The following SNAP47 variants were observed in gnomAD, a reference collection of about 807,000 sequenced individuals.
The protein encoded by SNAP47 is synaptosomal-associated protein 47.
In SNAP47, 20 loss-of-function variants were observed where a neutral mutation model predicts 31.4. The observed-to-expected ratio is 0.64, with a 90% CI of 0.45 to 0.93. SNAP47 has a LOEUF of 0.93. Among genes scored for constraint, SNAP47 ranks in the 40% least tolerant of loss-of-function variants. The pLI, the probability that SNAP47 is intolerant of heterozygous loss-of-function variation, is 0.00. For missense variants in SNAP47, 492 were observed against 528.5 expected, an observed-to-expected ratio of 0.93 and a Z score of 0.68; for synonymous variants, 194 against 213.4, an observed-to-expected ratio of 0.91 and a Z score of 0.79.
chr1:227,742,540 C>T (rs1197587098), intron 1 of SNAP47, among the ~76,000 whole-genome samples: 3 of 152,182 alleles, frequency 2.0e-5, no homozygotes, highest in East Asian at 1.9e-4. Context: ...AGGACTTCTC[C>T]GGGGAGGTTG....
At chr1:227,733,351 G>A (rs1660800438), upstream of SNAP47, 3 of 1,503,750 alleles carry the variant, frequency 2.0e-6, no homozygotes, top group African/African-American at 4.2e-5. Context: ...AGAGTGGGGA[G>A]GTGGTGCTGC....
At chr1:227,744,090 C>T (rs367717520) in intron 1 of SNAP47, 145 of 152,412 alleles carry the variant, frequency 9.5e-4, no homozygotes, top group African/African-American at 3.4e-3. Flanking sequence ...ACAAGCCTGC[C>T]ACGGTGGCGT....
intron 4 of SNAP47, among the ~76,000 whole-genome samples, chr1:227,778,693 C>T (rs529785292): frequency 5.9e-5 from 9 of 152,286 alleles, no homozygotes; most frequent in South Asian, 2.1e-4. Context: ...GGCTTTCTTC[C>T]CTGTCACAGC....
chr1:227,759,415 A>G lies in SNAP47; in HGVS notation c.918A>G (p.Glu306=). ...VQFSKKMELL[E]DALVLRSART... is the part of the protein sequence containing the mutation. ...TCAGCAAGAAGATGGAGCTGTTAGAAGATGCATTGGTGCTCAGAAGCGCAA... is the reference window on the plus strand; with the variant it reads ...TCAGCAAGAAGATGGAGCTGTTAGAGGATGCATTGGTGCTCAGAAGCGCAA... Residue 306 remains glutamate (E), a synonymous_variant, in exon 3 of 5, where the codon GAA becomes GAG. Coordinates refer to ENST00000617596, the MANE Select transcript of SNAP47 (RefSeq NM_053052.4). The G allele has an allele frequency of 6.2e-7, 1 of 1,614,234 alleles. No homozygotes were observed. The highest frequency in any genetic ancestry group is 8.5e-7 in the Non-Finnish European group (1 of 1,180,040).
In SNAP47 at chr1:227,767,041, C is replaced by G. The variant is rs34209229; in HGVS notation, c.1071C>G (p.Ser357Arg). 1.2e-6 allele frequency: 2 copies of G among 1,614,070 alleles called. No homozygotes were observed. The highest frequency in any genetic ancestry group is 3.3e-5 in the Admixed American group (2 of 60,026). ...QEGTALHLQT[S>R]LPALSEADTQ... ...GCACAGCACTGCACCTGCAGACAAG[C>G]CTGCCAGCCCTTTCTGAGGCAGATA... is the stretch of plus-strand genomic sequence containing the variant. Residue 357 changes from serine (S) to arginine (R), a missense_variant, in exon 4 of 5, where the codon AGC (serine) becomes AGG (arginine). Physicochemically the swap from Ser to Arg is moderately radical, Grantham distance 110. Transcript: ENST00000617596.
chr1:227,754,825 T>C (rs1038057042), intron 2 of SNAP47, among the ~76,000 whole-genome samples: 3 of 152,112 alleles, frequency 2.0e-5, no homozygotes, highest in Non-Finnish European at 4.4e-5. Flanking sequence ...ATCAAAAGTG[T>C]TTTGCCTGGA....
Position 227,729,496 on chromosome 1 carries a change from G to T in SNAP47, c.-95+710G>T, listed in dbSNP as rs541485839. ...GTGGTGGATGGGGGACAGGGCTGAG[G>T]TTGACACTCTGGAGCATGGATGAGC... On this transcript the variant is annotated intron_variant, in intron 1 of 3. Coordinates refer to the SNAP47 transcript ENST00000366760. Among the ~76,000 whole-genome samples the T allele has an allele frequency of 1.2e-4, 18 of 152,300 alleles. No individual in the cohort carries two copies. In the South Asian group the frequency reaches 3.5e-3, roughly 30 times the overall value.
upstream of SNAP47, chr1:227,735,166 C>G (rs113736006): frequency 1.9e-6 from 3 of 1,579,938 alleles, no homozygotes; most frequent in Non-Finnish European, 1.7e-6. Context: ...AGAAGGCGCC[C>G]GGCTCCGAGA....
chr1:227,766,843 C>A, intron 3 of SNAP47, 116 bp from the exon 4 acceptor site: 2 of 1,447,580 alleles, frequency 1.4e-6, no homozygotes, highest in Non-Finnish European at 1.9e-6. Flanking sequence ...GGAAGCAGTC[C>A]TGCGTGTGGT....
At chr1:227,752,398 C>G (rs1347264850) in intron 2 of SNAP47, among the ~76,000 whole-genome samples, 1 of 152,132 alleles carries the variant, frequency 6.6e-6, no homozygotes, top group Admixed American at 6.5e-5. Context: ...CTTGGCCACT[C>G]TCTCCCCGCT....
chr1:227,768,146 C>A, intron 4 of SNAP47: 1 of 314,334 alleles, frequency 3.2e-6, no homozygotes, highest in Non-Finnish European at 4.6e-6. Flanking sequence ...AGTATCCAGG[C>A]AGTGCTCCCA....
Position 227,762,247 on chromosome 1 carries a change from C to T in SNAP47, c.988+2762C>T, listed in dbSNP as rs1663108874. Reference sequence around the variant, plus strand: ...ACTTTCACCCCCATGGGCAACCTGGCCTGTCCAGGTAAGTGCTGGTCTCAT... The same window carrying T: ...ACTTTCACCCCCATGGGCAACCTGGTCTGTCCAGGTAAGTGCTGGTCTCAT... On this transcript the variant is annotated intron_variant, in intron 3 of 4. Transcript: ENST00000617596. The surrounding 1 kb of genome is among the most constrained non-coding windows in gnomAD (Gnocchi z 4.2). Among the ~76,000 whole-genome samples the T allele has an allele frequency of 6.6e-6, 1 of 152,188 alleles. No homozygotes were observed. The highest frequency in any genetic ancestry group is 2.1e-4 in the South Asian group (1 of 4,832).
At chr1:227,771,527 C>G (rs1172040341) in intron 4 of SNAP47, among the ~76,000 whole-genome samples, 1 of 152,142 alleles carries the variant, frequency 6.6e-6, no homozygotes, top group African/African-American at 2.4e-5. Flanking sequence ...CCCTGTAACT[C>G]AGACTTATGG....
At position 227,740,670 on chromosome 1, in the gene SNAP47, A is replaced by G. The variant is rs575046039; in HGVS notation, c.-46+5171A>G. 8.5e-5 allele frequency among the ~76,000 whole-genome samples: 13 copies of G among 152,292 alleles called. No homozygotes were observed. In the East Asian group the frequency reaches 2.3e-3, roughly 27 times the overall value. ...GTTGCTTGTGCTGGTTGGCCCAGAC[A>G]ATGCCTGTGCCAGGTCAGTGATGTG... On this transcript the variant is annotated intron_variant, in intron 1 of 4. Transcript: ENST00000617596.
chr1:227,764,130 A>G (rs575537225), intron 3 of SNAP47, among the ~76,000 whole-genome samples: 79 of 152,242 alleles, frequency 5.2e-4, no homozygotes, highest in Middle Eastern at 3.4e-3. Flanking sequence ...ACCACCTGTG[A>G]TGCTTTTGTT....
At chr1:227,776,342 C>G (rs1664158420) in intron 4 of SNAP47, 1 of 988,124 alleles carries the variant, frequency 1.0e-6, no homozygotes, top group Admixed American at 5.9e-5. Flanking sequence ...TTTGTTTCCC[C>G]CAAAACCCAA....
At chr1:227,748,290 G>T in intron 2 of SNAP47, 57 bp downstream of exon 2, 1 of 1,459,982 alleles carries the variant, frequency 6.8e-7, no homozygotes. Flanking sequence ...CACATGTGTG[G>T]AGGCTCACAG....
upstream of SNAP47, chr1:227,732,882 T>G: frequency 6.2e-7 from 1 of 1,612,572 alleles, no homozygotes; most frequent in Non-Finnish European, 8.5e-7. Context: ...CCACCCCACC[T>G]GGCAGTGGTG....
intron 1 of SNAP47, among the ~76,000 whole-genome samples, chr1:227,729,769 T>C (rs1224487549): frequency 1.3e-5 from 2 of 152,204 alleles, no homozygotes; most frequent in Non-Finnish European, 2.9e-5. Flanking sequence ...TCCACCTCCA[T>C]GGATTCCAGC....
Sources: gnomAD v4.1 joint callset for allele counts (sites outside exome capture counted in the v4.1 genomes callset) on GRCh38, gnomAD v4.1.1 for gene constraint, Gnocchi (gnomAD v3.1) non-coding constraint, MANE v1.5 for transcripts, NCBI Gene and HGNC (gene_info 2026-07-23, HGNC 2026-07-21) for gene names.